Variants in PLXDC2 observed in about 807,000 individuals in gnomAD.
PLXDC2 encodes the protein plexin domain-containing protein 2.
A neutral mutation model predicts 68.9 loss-of-function variants in PLXDC2; 40 were observed. The observed-to-expected ratio is 0.58, with a 90% CI of 0.45 to 0.76. The LOEUF (loss-of-function observed/expected upper bound fraction) is 0.76, where lower values mean the gene tolerates loss of function less well. Among genes scored for constraint, PLXDC2 ranks in the 30% least tolerant of loss-of-function variants. The pLI is 0.00. For missense variants in PLXDC2, 644 were observed against 661.9 expected (o/e 0.97, Z 0.30); for synonymous variants, 243 against 234.2 (o/e 1.04, Z -0.34).
chr10:19,979,612 T>A (rs1325590341), intron 1 of PLXDC2, among the ~76,000 whole-genome samples: 1 of 152,166 alleles, frequency 6.6e-6, no homozygotes, highest in Non-Finnish European at 1.5e-5. Context: ...ACTCAAGTAA[T>A]CCACCTGCCT....
intron 1 of PLXDC2, among the ~76,000 whole-genome samples, chr10:19,845,295 T>A (rs1387781930): frequency 6.6e-6 from 1 of 152,068 alleles, no homozygotes; most frequent in Non-Finnish European, 1.5e-5. Context: ...GGAGAGACAA[T>A]TATGGTGACT....
At chr10:19,870,604 T>G (rs1837516830) in intron 1 of PLXDC2, among the ~76,000 whole-genome samples, 1 of 152,068 alleles carries the variant, frequency 6.6e-6, no homozygotes, top group South Asian at 2.1e-4. Context: ...TTTTGTATTT[T>G]TAGTAGAGAT....
intron 6 of PLXDC2, among the ~76,000 whole-genome samples, chr10:20,160,019 C>T (rs183274010): frequency 6.6e-6 from 1 of 152,248 alleles, no homozygotes; most frequent in Non-Finnish European, 1.5e-5. Flanking sequence ...GTTTTAATGC[C>T]TGTCCCTGTT....
chr10:19,957,309 G>A (rs1171521990), intron 1 of PLXDC2, among the ~76,000 whole-genome samples: 1 of 152,026 alleles, frequency 6.6e-6, no homozygotes, highest in African/African-American at 2.4e-5. Context: ...ATGATTTACT[G>A]TAAATGCTCA....
intron 1 of PLXDC2, among the ~76,000 whole-genome samples, chr10:19,987,524 T>C (rs558753777): frequency 5.3e-5 from 8 of 151,734 alleles, no homozygotes; most frequent in Admixed American, 2.0e-4. Flanking sequence ...TTACTCTAGG[T>C]TGATTCTTTG....
intron 1 of PLXDC2, among the ~76,000 whole-genome samples, chr10:19,849,190 A>G (rs955535021): frequency 6.6e-6 from 1 of 152,198 alleles, no homozygotes; most frequent in Non-Finnish European, 1.5e-5. Context: ...ATTGTAGATA[A>G]TGGAAATAAA....
At chr10:20,024,629 T>C (rs1175331533) in intron 2 of PLXDC2, among the ~76,000 whole-genome samples, 1 of 152,156 alleles carries the variant, frequency 6.6e-6, no homozygotes, top group Non-Finnish European at 1.5e-5. Flanking sequence ...ACAAGGGGTA[T>C]GTGTGCAGGT....
At chr10:20,098,346 C>CGTGTGTGTGTGTGTGTGTGTGT (rs762519549) in intron 4 of PLXDC2, among the ~76,000 whole-genome samples, 6 of 103,060 alleles carry the variant, frequency 5.8e-5, no homozygotes, top group African/African-American at 1.3e-4. Context: ...CATTTTCGTG[C>CGTGTGTGTGTGTGTGTGTGTGT]GTGTGTGTGT....
chr10:20,071,531 G>C (rs1836315451), intron 4 of PLXDC2, among the ~76,000 whole-genome samples: 1 of 152,136 alleles, frequency 6.6e-6, no homozygotes, highest in Non-Finnish European at 1.5e-5. Flanking sequence ...GAGTTCCCCT[G>C]CACACACCCT....
Position 20,164,557 on chromosome 10 carries a change from A to C in PLXDC2, c.873A>C (p.Gln291His). The change falls in exon 7 of 14, where the codon CAA (glutamine) becomes CAC (histidine). Residue 291 changes from glutamine to histidine, a missense_variant. Physicochemically the swap from Gln to His is conservative, Grantham distance 24. This residue lies in a region of PLXDC2 where 330 missense variants were observed against 327.9 expected (regional missense o/e 1.01). Transcript: ENST00000377252. ...CATTTGTCGTTGTCCACAGGATCCA[A>C]CAAATTCCCAGTACGTAGAAGAAGG... ...SDAFVVVHRIQQIPNVRRRTI... is the reference protein window; with the variant it reads ...SDAFVVVHRIHQIPNVRRRTI... 6.2e-7 allele frequency: 1 copy of C among 1,611,144 alleles called. No homozygotes were observed. Among genetic ancestry groups the C allele is most frequent in the South Asian group, 1.1e-5 (1 of 91,046 alleles).
At chr10:20,098,678 C>G (rs554395253) in intron 4 of PLXDC2, among the ~76,000 whole-genome samples, 1 of 152,102 alleles carries the variant, frequency 6.6e-6, no homozygotes, top group Non-Finnish European at 1.5e-5. Flanking sequence ...TTCAAGATGG[C>G]ATTGCTCCCA....
chr10:19,826,555 A>G (rs1348440830), intron 1 of PLXDC2, among the ~76,000 whole-genome samples: 3 of 152,178 alleles, frequency 2.0e-5, no homozygotes, highest in African/African-American at 7.2e-5. Flanking sequence ...GTGAGGTTAA[A>G]ACAAATTTTA....
intron 4 of PLXDC2, among the ~76,000 whole-genome samples, chr10:20,121,440 A>G (rs1233868497): frequency 1.3e-5 from 2 of 152,032 alleles, no homozygotes; most frequent in African/African-American, 2.4e-5. Context: ...GGGAAAGCAC[A>G]TGTGTTTTTA....
At chr10:20,269,396 A>G (rs920200691) in intron 13 of PLXDC2, among the ~76,000 whole-genome samples, 1 of 152,100 alleles carries the variant, frequency 6.6e-6, no homozygotes, top group Non-Finnish European at 1.5e-5. Flanking sequence ...GATTCCGTCA[A>G]ATGCTATAAA....
intron 7 of PLXDC2, among the ~76,000 whole-genome samples, chr10:20,175,762 G>A (rs1834518457): frequency 6.6e-6 from 1 of 152,118 alleles, no homozygotes; most frequent in Non-Finnish European, 1.5e-5. Context: ...AGCCCAGGAT[G>A]TCCAGGCTGC....
Position 20,013,312 on chromosome 10 carries a change from G to A in PLXDC2, c.324+11326G>A, listed in dbSNP as rs552376239. On this transcript the variant is annotated intron_variant, in intron 2 of 13. Coordinates refer to ENST00000377252, the MANE Select transcript of PLXDC2 (RefSeq NM_032812.9). Reference sequence around the variant, plus strand: ...TACAAAGAAAACTTTAATTAATATTGTTTAAATTTTTAAAATTCACATGTT... The same window carrying A: ...TACAAAGAAAACTTTAATTAATATTATTTAAATTTTTAAAATTCACATGTT... Among the ~76,000 whole-genome samples the A allele has an allele frequency of 2.6e-5, 4 of 152,126 alleles. No individual in the cohort carries two copies. In the East Asian group the frequency reaches 7.7e-4, roughly 29 times the overall value.
At chr10:20,200,725 A>T (rs1351077311) in intron 9 of PLXDC2, among the ~76,000 whole-genome samples, 1 of 152,150 alleles carries the variant, frequency 6.6e-6, no homozygotes, top group Non-Finnish European at 1.5e-5. Flanking sequence ...ACCTGAACAG[A>T]TATTTCTCAA....
At chr10:20,193,415 A>C (rs1272189508) in intron 9 of PLXDC2, among the ~76,000 whole-genome samples, 2 of 152,112 alleles carry the variant, frequency 1.3e-5, no homozygotes, top group South Asian at 4.1e-4. Context: ...TGCTATATAA[A>C]CACTTTTAAT....
intron 12 of PLXDC2, among the ~76,000 whole-genome samples, chr10:20,232,050 G>T (rs967294743): frequency 6.6e-6 from 1 of 151,690 alleles, no homozygotes; most frequent in African/African-American, 2.4e-5. Flanking sequence ...AACTCTGTTA[G>T]GAAAATGAAA....
Sources: gnomAD v4.1 joint callset for allele counts (sites outside exome capture counted in the v4.1 genomes callset) on GRCh38, gnomAD v4.1.1 for gene constraint, gnomAD v4.1.1 regional missense constraint, MANE v1.5 for transcripts, NCBI Gene and HGNC (gene_info 2026-07-23, HGNC 2026-07-21) for gene names.